Variants in CCDC171 observed in about 807,000 individuals in gnomAD.
CCDC171 encodes the protein coiled-coil domain-containing protein 171.
CCDC171 carries 177 observed loss-of-function variants against 168.2 expected under a neutral mutation model. The observed-to-expected ratio is 1.05, with a 90% confidence interval of 0.93 to 1.19. The LOEUF (loss-of-function observed/expected upper bound fraction) is 1.19, where lower values mean the gene tolerates loss of function less well. Ranked by LOEUF, CCDC171 falls within the 50% of genes most tolerant of loss-of-function variation. The pLI is 0.00. For missense variants in CCDC171, 1,991 were observed against 1,539.0 expected (o/e 1.29, Z -4.91); for synonymous variants, 687 against 540.8 (o/e 1.27, Z -3.75).
intron 21 of CCDC171, among the ~76,000 whole-genome samples, chr9:15,842,112 A>C (rs1416991695): frequency 6.6e-6 from 1 of 152,138 alleles, no homozygotes; most frequent in Admixed American, 6.6e-5. Flanking sequence ...TAGTTCTTAT[A>C]ACACTTGTGT....
chr9:15,709,783 G>A (rs1356199843), intron 11 of CCDC171, among the ~76,000 whole-genome samples: 6 of 152,074 alleles, frequency 3.9e-5, no homozygotes, highest in African/African-American at 1.2e-4. Context: ...CTTCAAAAAA[G>A]ATAAGATCCT....
intron 1 of CCDC171, among the ~76,000 whole-genome samples, chr9:15,555,746 C>A (rs191085718): frequency 1.3e-5 from 2 of 152,172 alleles, no homozygotes; most frequent in Non-Finnish European, 2.9e-5. Context: ...AGGTTTGTTA[C>A]ATATGCATAC....
At chr9:15,982,495 C>T (rs1043466523) in intron 3 of CCDC171, among the ~76,000 whole-genome samples, 1 of 152,072 alleles carries the variant, frequency 6.6e-6, no homozygotes, top group African/African-American at 2.4e-5. Context: ...TGATGAGGCA[C>T]CAAATCCCAC....
Position 15,678,754 on chromosome 9 carries a change from T to C in CCDC171, c.1077-4T>C. The C allele has an allele frequency of 6.3e-7, 1 of 1,577,324 alleles. No individual in the cohort carries two copies. The highest frequency in any genetic ancestry group is 8.5e-7 in the Non-Finnish European group (1 of 1,169,852). On this transcript the variant is annotated splice_region_variant and splice_polypyrimidine_tract_variant and intron_variant, in intron 9 of 25. Coordinates refer to ENST00000380701, the MANE Select transcript of CCDC171 (RefSeq NM_173550.4). ...AAACCTGCTCTGACACTTTAACTTT[T>C]CAGATTAGAAAAAGAGTATTTCTCC... is the stretch of plus-strand genomic sequence containing the variant.
At chr9:16,010,296 A>C (rs1456007672) in intron 3 of CCDC171, among the ~76,000 whole-genome samples, 5 of 152,188 alleles carry the variant, frequency 3.3e-5, no homozygotes, top group African/African-American at 1.2e-4. Context: ...TAATTCTATA[A>C]TGTTCAATAA....
chr9:15,968,199 T>C (rs1307283291), intron 25 of CCDC171, among the ~76,000 whole-genome samples: 1 of 152,216 alleles, frequency 6.6e-6, no homozygotes, highest in Admixed American at 6.5e-5. Flanking sequence ...ACATGACGCC[T>C]AGCTTTTATT....
chr9:15,614,085 A>T (rs2043909540), intron 6 of CCDC171, among the ~76,000 whole-genome samples: 1 of 152,066 alleles, frequency 6.6e-6, no homozygotes, highest in Non-Finnish European at 1.5e-5. Context: ...GCTGATCAAA[A>T]CTCTGCCTTA....
At chr9:15,630,479 T>A (rs1160443384) in intron 7 of CCDC171, among the ~76,000 whole-genome samples, 1 of 152,142 alleles carries the variant, frequency 6.6e-6, no homozygotes, top group Non-Finnish European at 1.5e-5. Flanking sequence ...GAGCTAACTA[T>A]CCTAAATATA....
At chr9:15,667,324 T>G (rs2048803106) in intron 9 of CCDC171, among the ~76,000 whole-genome samples, 1 of 152,170 alleles carries the variant, frequency 6.6e-6, no homozygotes, top group South Asian at 2.1e-4. Flanking sequence ...GTTTTCCATT[T>G]ATAGCCACAA....
intron 3 of CCDC171, among the ~76,000 whole-genome samples, chr9:15,984,409 AGTGTGTGTGTACATATATAT>A (rs1443608175): frequency 6.9e-6 from 1 of 144,300 alleles, no homozygotes; most frequent in Non-Finnish European, 1.5e-5. Context: ...TATATATATG[AGTGTGTGTGTACATATATAT>A]GTGTGTGTGT....
chr9:15,593,929 A>T (rs1418063668), intron 5 of CCDC171, 112 bp from the exon 6 acceptor site: 2 of 658,144 alleles, frequency 3.0e-6, no homozygotes, highest in Non-Finnish European at 5.3e-6. Flanking sequence ...ATGAATTATG[A>T]TGAGTTTTAA....
intron 7 of CCDC171, among the ~76,000 whole-genome samples, chr9:15,653,279 A>G (rs2047669757): frequency 6.6e-6 from 1 of 152,106 alleles, no homozygotes; most frequent in Admixed American, 6.5e-5. Context: ...TGCTGGGACT[A>G]CAGGTGCACA....
intron 24 of CCDC171, among the ~76,000 whole-genome samples, chr9:15,909,571 A>G (rs139972567): frequency 2.6e-5 from 4 of 152,318 alleles, no homozygotes; most frequent in Admixed American, 1.3e-4. Flanking sequence ...ATCAAACTAG[A>G]GTACAATTCC....
chr9:15,622,246 A>G (rs1000355038), intron 6 of CCDC171, among the ~76,000 whole-genome samples: 3 of 152,182 alleles, frequency 2.0e-5, no homozygotes, highest in African/African-American at 7.2e-5. Context: ...GAGTTTACCT[A>G]TATAACAAAC....
At chr9:15,721,178 T>C (rs753045016) in intron 11 of CCDC171, among the ~76,000 whole-genome samples, 5 of 152,186 alleles carry the variant, frequency 3.3e-5, no homozygotes, top group Non-Finnish European at 7.3e-5. Context: ...GCTATGTAGA[T>C]AATAGCATTT....
At chr9:15,563,203 A>G (rs934133456) in intron 1 of CCDC171, among the ~76,000 whole-genome samples, 2 of 149,250 alleles carry the variant, frequency 1.3e-5, no homozygotes, top group Admixed American at 1.4e-4. Context: ...CAATGGTGCA[A>G]TCTTGGCTCA....
At chr9:15,762,730 A>C (rs1259990790) in intron 18 of CCDC171, among the ~76,000 whole-genome samples, 1 of 152,202 alleles carries the variant, frequency 6.6e-6, no homozygotes, top group African/African-American at 2.4e-5. Flanking sequence ...AAAAATGTAT[A>C]CACTAGAATG....
intron 11 of CCDC171, among the ~76,000 whole-genome samples, chr9:15,705,476 T>C (rs2052147626): frequency 6.6e-6 from 1 of 152,206 alleles, no homozygotes; most frequent in South Asian, 2.1e-4. Context: ...ATTTCTTGAA[T>C]ATGCCAAGCA....
chr9:15,893,391 A>C (rs1478205676), intron 24 of CCDC171, among the ~76,000 whole-genome samples: 1 of 152,210 alleles, frequency 6.6e-6, no homozygotes, highest in Non-Finnish European at 1.5e-5. Context: ...TTTCATGATG[A>C]AGATGCCAAA....
Sources: gnomAD v4.1 joint callset for allele counts (sites outside exome capture counted in the v4.1 genomes callset) on GRCh38, gnomAD v4.1.1 for gene constraint, MANE v1.5 for transcripts, NCBI Gene and HGNC (gene_info 2026-07-23, HGNC 2026-07-21) for gene names.